The following DOCK4 variants were observed in gnomAD, a reference collection of about 807,000 sequenced individuals.
DOCK4 encodes the protein dedicator of cytokinesis 4.
Under a neutral mutation model 268.1 loss-of-function variants are expected in DOCK4, and 97 were observed. The ratio of observed to expected loss-of-function variants is 0.36; its 90% CI spans 0.31 to 0.43. The LOEUF (loss-of-function observed/expected upper bound fraction) is 0.43, where lower values mean the gene tolerates loss of function less well. Among genes scored for constraint, DOCK4 ranks in the 20% least tolerant of loss-of-function variants. The probability of loss-of-function intolerance (pLI) is 1.00; values close to 1 mark genes in which losing one functional copy is unlikely to be tolerated. For synonymous variants in DOCK4, 954 were observed against 887.2 expected, an observed-to-expected ratio of 1.08 and a Z score of -1.34; for missense variants, 2,145 against 2,455.7, an observed-to-expected ratio of 0.87 and a Z score of 2.67.
chr7:111,772,849 G>T (rs1798210416), intron 36 of DOCK4, among the ~76,000 whole-genome samples: 1 of 152,144 alleles, frequency 6.6e-6, no homozygotes, highest in Non-Finnish European at 1.5e-5. Flanking sequence ...AAGGTCTCCA[G>T]TCTCCAAATG....
At chr7:111,844,985 G>T in intron 24 of DOCK4, 88 bp from the exon 25 acceptor site, 1 of 1,492,578 alleles carries the variant, frequency 6.7e-7, no homozygotes, top group Admixed American at 2.1e-5. Context: ...AAGAGTCAGA[G>T]AACTTGAGGC....
chr7:112,175,995 C>A (rs1293605953), intron 1 of DOCK4, among the ~76,000 whole-genome samples: 1 of 152,180 alleles, frequency 6.6e-6, no homozygotes, highest in East Asian at 1.9e-4. Flanking sequence ...CAATTAAGTC[C>A]TTTCTCAATT....
chr7:111,767,340 C>T (rs1048978461), intron 37 of DOCK4, among the ~76,000 whole-genome samples: 5 of 151,060 alleles, frequency 3.3e-5, no homozygotes, highest in African/African-American at 1.2e-4. Flanking sequence ...GATTCTCCTG[C>T]TTCAGCCTCC....
chr7:112,028,454 C>T (rs1802993722), intron 1 of DOCK4, among the ~76,000 whole-genome samples: 1 of 152,210 alleles, frequency 6.6e-6, no homozygotes, highest in Admixed American at 6.5e-5. Context: ...AGCTACTCCA[C>T]TATTGCAAAC....
intron 34 of DOCK4, among the ~76,000 whole-genome samples, chr7:111,783,455 A>G (rs1798928350): frequency 2.0e-5 from 3 of 152,194 alleles, no homozygotes; most frequent in Non-Finnish European, 4.4e-5. Context: ...CCCCTTTTTA[A>G]GAGAATATTT....
At chr7:112,081,671 T>C (rs1290735006) in intron 1 of DOCK4, among the ~76,000 whole-genome samples, 5 of 152,150 alleles carry the variant, frequency 3.3e-5, no homozygotes, top group Non-Finnish European at 5.9e-5. Flanking sequence ...AATAAACAAA[T>C]CTTGGTAGTT....
intron 44 of DOCK4, among the ~76,000 whole-genome samples, chr7:111,745,111 A>G (rs562697634): frequency 4.0e-4 from 61 of 152,312 alleles, no homozygotes; most frequent in African/African-American, 1.4e-3. Flanking sequence ...CAGGCTATCA[A>G]TAGGGACACA....
chr7:112,102,778 A>G (rs1285658066), intron 1 of DOCK4, among the ~76,000 whole-genome samples: 1 of 152,232 alleles, frequency 6.6e-6, no homozygotes, highest in South Asian at 2.1e-4. Context: ...TATTTTTGTT[A>G]TAGCAGCCCA....
intron 8 of DOCK4, among the ~76,000 whole-genome samples, chr7:111,962,476 A>T (rs536475606): frequency 6.6e-6 from 1 of 152,304 alleles, no homozygotes; most frequent in African/African-American, 2.4e-5. Context: ...AAACTGATGT[A>T]GCTACTAAAT....
chr7:111,821,475 G>A (rs1433562907), intron 27 of DOCK4: 1 of 152,206 alleles, frequency 6.6e-6, no homozygotes, highest in Non-Finnish European at 1.5e-5. Flanking sequence ...TGAGACTATG[G>A]AGACAGGAAG....
intron 1 of DOCK4, among the ~76,000 whole-genome samples, chr7:112,151,668 T>G (rs141189947): frequency 1.3e-5 from 2 of 152,142 alleles, no homozygotes; most frequent in African/African-American, 2.4e-5. Context: ...TGTGGGTCTC[T>G]GAATGCTTTT....
chr7:111,732,402 T>A, intron 51 of DOCK4, 115 bp from the exon 52 acceptor site: 1 of 1,028,572 alleles, frequency 9.7e-7, no homozygotes, highest in South Asian at 1.4e-5. Flanking sequence ...AAGGACCTTC[T>A]AAGCAAAGGG....
At chr7:111,923,392 C>T (rs1017540569) in intron 12 of DOCK4, among the ~76,000 whole-genome samples, 13 of 152,148 alleles carry the variant, frequency 8.5e-5, no homozygotes, top group Non-Finnish European at 1.6e-4. Flanking sequence ...ATTTATTATT[C>T]CATAATATTC....
intron 13 of DOCK4, among the ~76,000 whole-genome samples, chr7:111,907,442 G>C (rs73715300): frequency 0.039 from 5,788 of 147,442 alleles, 339 homozygotes; most frequent in East Asian, 0.3. Flanking sequence ...CTGGCAGCCC[G>C]TTGGGGGAAC....
chr7:112,027,793 T>C (rs528664675), intron 1 of DOCK4, among the ~76,000 whole-genome samples: 6 of 152,336 alleles, frequency 3.9e-5, no homozygotes, highest in African/African-American at 1.4e-4. Context: ...TTTGACATCC[T>C]TCTCCAAACA....
At chr7:112,097,859 T>C (rs1057085561) in intron 1 of DOCK4, among the ~76,000 whole-genome samples, 7 of 152,196 alleles carry the variant, frequency 4.6e-5, no homozygotes. Context: ...CCAGAGTTTT[T>C]TCCTAGAAAG....
chr7:112,029,449 A>G (rs988799635), intron 1 of DOCK4, among the ~76,000 whole-genome samples: 2 of 152,232 alleles, frequency 1.3e-5, no homozygotes, highest in African/African-American at 2.4e-5. Flanking sequence ...AAGGGAGGAA[A>G]ATAAAATGGG....
intron 1 of DOCK4, among the ~76,000 whole-genome samples, chr7:112,108,321 C>T (rs1003503616): frequency 6.6e-6 from 1 of 152,154 alleles, no homozygotes; most frequent in Non-Finnish European, 1.5e-5. Flanking sequence ...AAACACTATA[C>T]TAGAGTGATA....
At chr7:112,064,932 C>A (rs1045757562) in intron 1 of DOCK4, among the ~76,000 whole-genome samples, 2 of 152,174 alleles carry the variant, frequency 1.3e-5, no homozygotes, top group African/African-American at 4.8e-5. Context: ...ATCAGAGAGG[C>A]CTCTGGAGAA....
Sources: allele counts gnomAD v4.1 joint callset (sites outside exome capture counted in the v4.1 genomes callset), GRCh38; gene constraint gnomAD v4.1.1; transcripts MANE v1.5; gene names NCBI Gene and HGNC (gene_info 2026-07-23, HGNC 2026-07-21).